CELF2: variants seen among roughly 807,000 people sequenced by gnomAD.
CELF2 encodes the protein CUG triplet repeat RNA-binding protein 2.
In CELF2, 8 loss-of-function variants were observed where a neutral mutation model predicts 62.6. That is an observed-to-expected ratio of 0.13 (90% CI 0.07 to 0.23). The LOEUF is 0.23. CELF2 is among the 10% of genes least tolerant of loss of function. The pLI is 1.00. For missense variants in CELF2, 333 were observed against 671.0 expected (o/e 0.50, Z 5.56); for synonymous variants, 258 against 250.0 (o/e 1.03, Z -0.30).
the CELF2 span, among the ~76,000 whole-genome samples, chr10:10,601,077 C>T: frequency 6.9e-3 from 1,046 of 152,284 alleles, 5 homozygotes; most frequent in South Asian, 0.036. Context: ...GAAAGCAGAA[C>T]CATAGCTTTT....
At chr10:10,979,652 T>G (rs1245770135) in intron 2 of CELF2, among the ~76,000 whole-genome samples, 1 of 122,584 alleles carries the variant, frequency 8.2e-6, no homozygotes, top group Non-Finnish European at 1.6e-5. Flanking sequence ...GCCTGGGCGA[T>G]AGAGCCAGAC....
chr10:10,641,074 G>C, the CELF2 span, among the ~76,000 whole-genome samples: 2 of 152,172 alleles, frequency 1.3e-5, no homozygotes, highest in Non-Finnish European at 2.9e-5. Context: ...TGGTATGTCA[G>C]TCAGTCCTAA....
At chr10:10,551,722 A>G in the CELF2 span, among the ~76,000 whole-genome samples, 4 of 152,022 alleles carry the variant, frequency 2.6e-5, no homozygotes, top group Admixed American at 2.0e-4. Flanking sequence ...CTCCCCGACA[A>G]CTGTATTTCC....
upstream of CELF2, among the ~76,000 whole-genome samples, chr10:11,002,233 A>G (rs1022525885): frequency 2.0e-5 from 3 of 152,196 alleles, no homozygotes; most frequent in African/African-American, 7.2e-5. This position sits in a 1 kb window ranked among gnomAD's most constrained non-coding sequence, Gnocchi z 4.4. Flanking sequence ...AACAGATCTC[A>G]TAAGACTTAT....
intron 1 of CELF2, among the ~76,000 whole-genome samples, chr10:10,884,889 C>A (rs2133774163): frequency 6.6e-6 from 1 of 152,288 alleles, no homozygotes; most frequent in Admixed American, 6.5e-5. Flanking sequence ...TTATTGTGGC[C>A]TTCTCTGCCA....
chr10:10,844,796 C>T (rs1269480258), intron 1 of CELF2, among the ~76,000 whole-genome samples: 2 of 152,020 alleles, frequency 1.3e-5, no homozygotes, highest in African/African-American at 2.4e-5. Context: ...TTGACATATG[C>T]CCTGGGAAAG....
the CELF2 span, among the ~76,000 whole-genome samples, chr10:10,572,513 A>G: frequency 1.6e-5 from 2 of 124,136 alleles, no homozygotes; most frequent in African/African-American, 6.3e-5. Flanking sequence ...CCCCCACCCC[A>G]CCTCCCCTGA....
the CELF2 span, among the ~76,000 whole-genome samples, chr10:10,539,770 A>G: frequency 2.0e-5 from 3 of 152,260 alleles, no homozygotes; most frequent in East Asian, 1.9e-4. Context: ...AGGCCAAGAC[A>G]TAATAGAACA....
chr10:10,644,980 T>A, the CELF2 span, among the ~76,000 whole-genome samples: 1 of 152,170 alleles, frequency 6.6e-6, no homozygotes, highest in East Asian at 1.9e-4. Flanking sequence ...ATTTAGCTGA[T>A]ACACTGAGAG....
At chr10:10,787,011 T>A in the CELF2 span, among the ~76,000 whole-genome samples, 3 of 152,000 alleles carry the variant, frequency 2.0e-5, no homozygotes, top group African/African-American at 7.3e-5. Flanking sequence ...AGTTTTCAAG[T>A]GAATGATTTG....
the CELF2 span, among the ~76,000 whole-genome samples, chr10:10,611,941 A>C: frequency 1.3e-5 from 2 of 152,216 alleles, no homozygotes; most frequent in African/African-American, 2.4e-5. Context: ...CATTGTCTAA[A>C]CATTTAACAA....
the CELF2 span, among the ~76,000 whole-genome samples, chr10:10,691,468 C>G: frequency 1.3e-5 from 2 of 150,088 alleles, no homozygotes; most frequent in Admixed American, 1.3e-4. Context: ...AATAAACATA[C>G]GTGTGCATGT....
chr10:11,320,302 G>A lies in CELF2; in HGVS notation c.1097-887G>A, dbSNP rs369452414. ...AATCGAGTCTACTGGCCACCATCCC[G>A]TTCCCATCAGGTGATAGCCAAGGTC... On this transcript the variant is annotated intron_variant, in intron 10 of 12. Transcript: ENST00000633077. Among the ~76,000 whole-genome samples the A allele has an allele frequency of 9.9e-4, 151 of 152,246 alleles. 1 individual carries two copies. Among genetic ancestry groups the A allele is most frequent in the African/African-American group, 3.2e-3 (131 of 41,544 alleles).
chr10:10,865,035 A>T (rs949694916), intron 1 of CELF2, among the ~76,000 whole-genome samples: 1 of 152,212 alleles, frequency 6.6e-6, no homozygotes, highest in Non-Finnish European at 1.5e-5. Flanking sequence ...ATCACCATAT[A>T]TTCATTTAAA....
At chr10:11,228,188 C>G (rs2067263396) in intron 3 of CELF2, among the ~76,000 whole-genome samples, 1 of 152,158 alleles carries the variant, frequency 6.6e-6, no homozygotes, top group African/African-American at 2.4e-5. Context: ...GGATATCTAT[C>G]AGTAGCTTTC....
At chr10:10,601,839 G>A in the CELF2 span, among the ~76,000 whole-genome samples, 95 of 151,942 alleles carry the variant, frequency 6.3e-4, no homozygotes, top group African/African-American at 2.2e-3. Flanking sequence ...AAATCACCCA[G>A]GTATTAAGCC....
In CELF2 at chr10:11,255,237, C is replaced by T. The variant is rs2078336954; in HGVS notation, c.404-2501C>T. Among the ~76,000 whole-genome samples the T allele has an allele frequency of 6.6e-6, 1 of 152,222 alleles. No individual in the cohort carries two copies. The highest frequency in any genetic ancestry group is 2.1e-4 in the South Asian group (1 of 4,822). On this transcript the variant is annotated intron_variant, in intron 4 of 12. Transcript: ENST00000633077. The surrounding 1 kb of genome is among the most constrained non-coding windows in gnomAD (Gnocchi z 5.5). ...AGCGTACAGGAGGTCAGGTCCTCAG[C>T]AGTCTCCCTCCCAGGAATTGGAGCC...
intron 2 of CELF2, among the ~76,000 whole-genome samples, chr10:10,929,246 C>T (rs762510300): frequency 3.5e-4 from 54 of 152,298 alleles, no homozygotes; most frequent in Non-Finnish European, 7.5e-4. Flanking sequence ...AATCTTGTGT[C>T]TGCCATTCCT....
At chr10:10,495,198 G>T in the CELF2 span, among the ~76,000 whole-genome samples, 1,114 of 152,262 alleles carry the variant, frequency 7.3e-3, 12 homozygotes, top group African/African-American at 0.025. Flanking sequence ...GGAGAATGGC[G>T]TGACCAGAAG....
Sources: allele counts gnomAD v4.1 joint callset (sites outside exome capture counted in the v4.1 genomes callset), GRCh38; gene constraint gnomAD v4.1.1; non-coding constraint Gnocchi (gnomAD v3.1); transcripts MANE v1.5; gene names NCBI Gene and HGNC (gene_info 2026-07-23, HGNC 2026-07-21).